Variants in GRM7 observed in about 807,000 individuals in gnomAD.
GRM7 encodes glutamate metabotropic receptor 7, also known as metabotropic glutamate receptor 7.
In GRM7, 35 loss-of-function variants were observed where a neutral mutation model predicts 84.5. The ratio of observed to expected loss-of-function variants is 0.41; its 90% CI spans 0.32 to 0.55. GRM7 has a LOEUF of 0.55. Among genes scored for constraint, GRM7 ranks in the 20% least tolerant of loss-of-function variants. GRM7 has a pLI of 0.19. For synonymous variants in GRM7, 487 were observed against 455.1 expected (o/e 1.07, Z -0.89); for missense variants, 1,003 against 1,194.6 (o/e 0.84, Z 2.36).
intron 5 of GRM7, among the ~76,000 whole-genome samples, chr3:7,431,937 T>G (rs537069530): frequency 6.6e-6 from 1 of 152,314 alleles, no homozygotes; most frequent in Admixed American, 6.5e-5. Context: ...TTTATTTTTC[T>G]TTAGTCCTGA....
chr3:7,305,353 T>C lies in GRM7; in HGVS notation c.879-1145T>C, dbSNP rs1559221587. On this transcript the variant is annotated intron_variant, in intron 3 of 9. Transcript: ENST00000357716. The stretch of plus-strand genomic sequence containing the variant: ...TGCTTTTTTTTTTTTCTTTTTTTTT[T>C]TTTTTAATTATACTTTAAGTTTTAG... 4.5e-5 allele frequency among the ~76,000 whole-genome samples: 2 copies of C among 44,900 alleles called. 1 individual carries two copies. Among genetic ancestry groups the C allele is most frequent in the African/African-American group, 8.9e-5 (2 of 22,594 alleles). 29.5% of individuals were successfully genotyped at this position (44,900 alleles called of 152,430 possible).
chr3:7,610,365 C>T (rs564418263), intron 8 of GRM7, among the ~76,000 whole-genome samples: 1 of 152,296 alleles, frequency 6.6e-6, no homozygotes, highest in East Asian at 1.9e-4. Flanking sequence ...CAGGCATTGC[C>T]AGCAGCCCTG....
intron 1 of GRM7, chr3:6,884,342 G>A (rs968971314): frequency 6.6e-6 from 1 of 152,576 alleles, no homozygotes; most frequent in African/African-American, 2.4e-5. Flanking sequence ...TATTAAGTAG[G>A]TTTGTATGAT....
At chr3:6,998,251 G>T (rs1846472) in intron 1 of GRM7, among the ~76,000 whole-genome samples, 151,431 of 152,136 alleles carry the variant, frequency 1, 75,368 homozygotes, top group Middle Eastern at 1. Context: ...CATTCAAGTT[G>T]GAAATCCAAT....
At chr3:7,237,168 A>G (rs1348113770) in intron 2 of GRM7, among the ~76,000 whole-genome samples, 1 of 152,160 alleles carries the variant, frequency 6.6e-6, no homozygotes, top group Non-Finnish European at 1.5e-5. Flanking sequence ...TCATTGTGGC[A>G]GTGCCAGAAT....
At chr3:7,387,803 GT>G (rs368885756) in intron 4 of GRM7, among the ~76,000 whole-genome samples, 229 of 152,090 alleles carry the variant, frequency 1.5e-3, no homozygotes, top group East Asian at 5.0e-3. Flanking sequence ...TTTTAGGATA[GT>G]TTTTTTCCTA....
At chr3:7,062,311 A>T (rs1266395597) in intron 1 of GRM7, among the ~76,000 whole-genome samples, 1 of 151,626 alleles carries the variant, frequency 6.6e-6, no homozygotes, top group Non-Finnish European at 1.5e-5. Flanking sequence ...AAGAACATGA[A>T]GGAGACGGTG....
chr3:7,001,081 C>G (rs1694996413), intron 1 of GRM7, among the ~76,000 whole-genome samples: 1 of 152,170 alleles, frequency 6.6e-6, no homozygotes, highest in South Asian at 2.1e-4. Flanking sequence ...CCTAGCCATC[C>G]AACATAACCC....
intron 9 of GRM7, among the ~76,000 whole-genome samples, chr3:7,707,687 T>C (rs1188833065): frequency 1.3e-5 from 2 of 152,174 alleles, no homozygotes; most frequent in African/African-American, 4.8e-5. Flanking sequence ...CAAAATCTCT[T>C]AGGCCAGATG....
chr3:7,153,247 C>T (rs12492322), intron 2 of GRM7, among the ~76,000 whole-genome samples: 38,624 of 150,136 alleles, frequency 0.26, 5,400 homozygotes, highest in Non-Finnish European at 0.32. Flanking sequence ...TATTATCCCT[C>T]ATAACTTAAA....
chr3:7,315,541 A>G (rs954010179), intron 4 of GRM7, among the ~76,000 whole-genome samples: 7 of 152,188 alleles, frequency 4.6e-5, no homozygotes, highest in African/African-American at 7.2e-5. Context: ...AAAAGAAACA[A>G]ATAAACTTTG....
At chr3:6,986,583 T>C (rs147480034) in intron 1 of GRM7, among the ~76,000 whole-genome samples, 68 of 152,300 alleles carry the variant, frequency 4.5e-4, no homozygotes, top group African/African-American at 1.4e-3. Context: ...TTTCATAATC[T>C]TGGAATTAAC....
At chr3:6,878,543 A>AAATAATAATAAT (rs58165323) in intron 1 of GRM7, among the ~76,000 whole-genome samples, 18,639 of 150,242 alleles carry the variant, frequency 0.12, 1,370 homozygotes, top group African/African-American at 0.19. Context: ...GATTAACATA[A>AAATAATAATAAT]AATAATAATA....
At chr3:7,684,330 T>C (rs1175724216) in intron 9 of GRM7, among the ~76,000 whole-genome samples, 2 of 152,244 alleles carry the variant, frequency 1.3e-5, no homozygotes, top group Admixed American at 1.3e-4. Flanking sequence ...GGGCAAATTC[T>C]GTACAATATT....
chr3:6,939,415 G>A (rs1309477159), intron 1 of GRM7, among the ~76,000 whole-genome samples: 1 of 150,450 alleles, frequency 6.6e-6, no homozygotes, highest in Non-Finnish European at 1.5e-5. Flanking sequence ...GATAATCAAA[G>A]ATTTTAAGTA....
chr3:7,428,325 G>T (rs1246103641), intron 5 of GRM7, among the ~76,000 whole-genome samples: 1 of 152,178 alleles, frequency 6.6e-6, no homozygotes, highest in Non-Finnish European at 1.5e-5. Flanking sequence ...ATTTGCAGAG[G>T]TCGTAAATCT....
intron 7 of GRM7, among the ~76,000 whole-genome samples, chr3:7,569,771 CT>C (rs1694546895): frequency 6.6e-6 from 1 of 152,148 alleles, no homozygotes; most frequent in Non-Finnish European, 1.5e-5. Context: ...AGCTGTAACA[CT>C]CACCGCGAAG....
intron 2 of GRM7, among the ~76,000 whole-genome samples, chr3:7,229,468 G>T (rs547928973): frequency 6.6e-6 from 1 of 151,576 alleles, no homozygotes; most frequent in African/African-American, 2.4e-5. Context: ...TCAAACCCAA[G>T]AACCCAAGCG....
intron 1 of GRM7, among the ~76,000 whole-genome samples, chr3:6,910,620 T>A (rs777349374): frequency 5.3e-5 from 8 of 152,118 alleles, no homozygotes; most frequent in Non-Finnish European, 1.2e-4. Flanking sequence ...CTCTTTAGTT[T>A]GTACACATGT....
Sources: gnomAD v4.1 joint callset for allele counts (sites outside exome capture counted in the v4.1 genomes callset) on GRCh38, gnomAD v4.1.1 for gene constraint, MANE v1.5 for transcripts, NCBI Gene and HGNC (gene_info 2026-07-23, HGNC 2026-07-21) for gene names.